The following ITFG1 variants were observed in gnomAD, a reference collection of about 807,000 sequenced individuals.
ITFG1 encodes T-cell immunomodulatory protein.
A neutral mutation model predicts 81.8 loss-of-function variants in ITFG1; 34 were observed. The observed-to-expected ratio is 0.42, with a 90% CI of 0.32 to 0.55. The LOEUF (loss-of-function observed/expected upper bound fraction) is 0.55, where lower values mean the gene tolerates loss of function less well. Among genes scored for constraint, ITFG1 ranks in the 20% least tolerant of loss-of-function variants. The pLI is 0.17. For missense variants in ITFG1, 672 were observed against 755.4 expected, an observed-to-expected ratio of 0.89 and a Z score of 1.29; for synonymous variants, 285 against 270.6, an observed-to-expected ratio of 1.05 and a Z score of -0.52.
At chr16:47,358,980 T>A (rs945463759) in intron 8 of ITFG1, among the ~76,000 whole-genome samples, 1 of 151,872 alleles carries the variant, frequency 6.6e-6, no homozygotes, top group African/African-American at 2.4e-5. Flanking sequence ...CAGTTTTAAA[T>A]AGAGTGGTCA....
intron 14 of ITFG1, among the ~76,000 whole-genome samples, chr16:47,185,323 A>G (rs1236597870): frequency 2.0e-5 from 3 of 152,236 alleles, no homozygotes; most frequent in Admixed American, 6.5e-5. Flanking sequence ...AACAGAATAT[A>G]CATTTTTTCA....
intron 14 of ITFG1, among the ~76,000 whole-genome samples, chr16:47,195,662 T>C (rs983689353): frequency 6.6e-6 from 1 of 152,236 alleles, no homozygotes; most frequent in Non-Finnish European, 1.5e-5. Context: ...TGTCCTCATT[T>C]CTTAATCAAT....
At chr16:47,283,958 T>C (rs537993942) in intron 10 of ITFG1, among the ~76,000 whole-genome samples, 7 of 152,336 alleles carry the variant, frequency 4.6e-5, no homozygotes, top group Admixed American at 3.9e-4. Context: ...AGGGTAAATC[T>C]TGAAAACACT....
intron 5 of ITFG1, chr16:47,450,399 G>A (rs1375285097): frequency 2.5e-6 from 1 of 394,372 alleles, no homozygotes; most frequent in Non-Finnish European, 4.9e-6. Flanking sequence ...AACCAGGTCT[G>A]ACCTTGGTTA....
intron 10 of ITFG1, chr16:47,299,773 T>C (rs2151558975): frequency 6.6e-6 from 1 of 152,348 alleles, no homozygotes; most frequent in Middle Eastern, 3.4e-3. Context: ...AAGCAGTTTG[T>C]CTTTGGACTG....
intron 14 of ITFG1, among the ~76,000 whole-genome samples, chr16:47,170,472 C>A (rs752071946): frequency 6.6e-6 from 1 of 151,590 alleles, no homozygotes; most frequent in Non-Finnish European, 1.5e-5. Context: ...CTCTGTTGTC[C>A]AGGCTGGAGT....
chr16:47,445,247 G>GA (rs907756228), intron 5 of ITFG1, among the ~76,000 whole-genome samples: 3,217 of 30,590 alleles, frequency 0.11, 167 homozygotes, highest in African/African-American at 0.14. Context: ...CTCCGTCTCA[G>GA]AAAAAAAAAA....
At chr16:47,398,396 G>A (rs1020388861) in intron 6 of ITFG1, among the ~76,000 whole-genome samples, 2 of 152,104 alleles carry the variant, frequency 1.3e-5, no homozygotes, top group South Asian at 4.2e-4. Context: ...CTAAAACATG[G>A]CTCGCTATTC....
intron 10 of ITFG1, among the ~76,000 whole-genome samples, chr16:47,286,861 T>C (rs1170315292): frequency 1.3e-5 from 2 of 152,172 alleles, no homozygotes; most frequent in Non-Finnish European, 2.9e-5. Context: ...ATTGTATTCA[T>C]GAGATAGGCA....
chr16:47,203,313 C>A (rs1183676582), intron 14 of ITFG1, among the ~76,000 whole-genome samples: 1 of 152,128 alleles, frequency 6.6e-6, no homozygotes, highest in African/African-American at 2.4e-5. Flanking sequence ...CTTTTTGGCA[C>A]CAGGAACTGG....
At chr16:47,275,839 C>G (rs1966392462) in intron 10 of ITFG1, among the ~76,000 whole-genome samples, 1 of 151,986 alleles carries the variant, frequency 6.6e-6, no homozygotes, top group Non-Finnish European at 1.5e-5. Context: ...GATTTTTAAG[C>G]TTTTAAAATT....
intron 8 of ITFG1, among the ~76,000 whole-genome samples, chr16:47,355,517 T>G (rs1231138610): frequency 1.3e-5 from 2 of 152,142 alleles, no homozygotes; most frequent in African/African-American, 4.8e-5. Context: ...TCATAATAGC[T>G]AAAAGAGATT....
chr16:47,362,648 C>T (rs1369656895), intron 8 of ITFG1, among the ~76,000 whole-genome samples: 2 of 152,166 alleles, frequency 1.3e-5, no homozygotes, highest in East Asian at 1.9e-4. Context: ...TATTTTTAGC[C>T]AAAGTCCAGT....
chr16:47,187,046 A>G (rs1212536507), intron 14 of ITFG1, among the ~76,000 whole-genome samples: 1 of 152,082 alleles, frequency 6.6e-6, no homozygotes, highest in African/African-American at 2.4e-5. Context: ...TAGGAATCCA[A>G]CTTACAAGGG....
intron 13 of ITFG1, among the ~76,000 whole-genome samples, chr16:47,231,045 GC>G (rs1567430278): frequency 6.6e-6 from 1 of 152,216 alleles, no homozygotes; most frequent in Non-Finnish European, 1.5e-5. Context: ...ACCGCGCCCA[GC>G]CCAAATGACA....
At chr16:47,180,218 CTTA>C (rs767253695) in intron 14 of ITFG1, among the ~76,000 whole-genome samples, 3 of 152,080 alleles carry the variant, frequency 2.0e-5, no homozygotes, top group Non-Finnish European at 4.4e-5. Context: ...TCCTTGAAGT[CTTA>C]TGATATGCCA....
chr16:47,373,396 C>T (rs1249659386), intron 7 of ITFG1, among the ~76,000 whole-genome samples: 1 of 152,138 alleles, frequency 6.6e-6, no homozygotes, highest in Non-Finnish European at 1.5e-5. Context: ...GATTCTCTTG[C>T]CTCAGCCTCC....
chr16:47,441,335 C>T (rs1969247407), intron 5 of ITFG1, among the ~76,000 whole-genome samples: 1 of 152,104 alleles, frequency 6.6e-6, no homozygotes, highest in Non-Finnish European at 1.5e-5. Flanking sequence ...TTTATGAGGC[C>T]AGCATCAACC....
At chr16:47,266,702 T>A (rs974525143) in intron 10 of ITFG1, among the ~76,000 whole-genome samples, 1 of 152,238 alleles carries the variant, frequency 6.6e-6, no homozygotes, top group African/African-American at 2.4e-5. Context: ...TATTCCTAGA[T>A]ATATTCCAAG....
Sources: gnomAD v4.1 joint callset for allele counts (sites outside exome capture counted in the v4.1 genomes callset) on GRCh38, gnomAD v4.1.1 for gene constraint, MANE v1.5 for transcripts, NCBI Gene and HGNC (gene_info 2026-07-23, HGNC 2026-07-21) for gene names.